Variants in SORCS1 observed in about 807,000 individuals in gnomAD.
SORCS1 encodes the protein VPS10 domain-containing receptor SorCS1.
Under a neutral mutation model 146.1 loss-of-function variants are expected in SORCS1, and 60 were observed. That is an observed-to-expected ratio of 0.41 (90% CI 0.33 to 0.51). SORCS1 has a LOEUF of 0.51. Ranked by LOEUF, SORCS1 falls within the 20% of genes least tolerant of loss-of-function variation. The pLI, the probability that SORCS1 is intolerant of heterozygous loss-of-function variation, is 0.21. For missense variants in SORCS1, 1,352 were observed against 1,487.6 expected (o/e 0.91, Z 1.50); for synonymous variants, 637 against 584.0 (o/e 1.09, Z -1.31).
At chr10:106,687,506 A>G (rs1020718271) in intron 10 of SORCS1, among the ~76,000 whole-genome samples, 4 of 152,140 alleles carry the variant, frequency 2.6e-5, no homozygotes, top group African/African-American at 7.2e-5. Flanking sequence ...CTCTCTCGTG[A>G]CTACTCAATT....
intron 10 of SORCS1, among the ~76,000 whole-genome samples, chr10:106,686,362 TG>T (rs1852837716): frequency 6.6e-6 from 1 of 152,216 alleles, no homozygotes; most frequent in Non-Finnish European, 1.5e-5. Context: ...CCATTTTTAA[TG>T]GTTCATTTAT....
chr10:107,127,703 T>G (rs1473030189), intron 1 of SORCS1, among the ~76,000 whole-genome samples: 1 of 152,186 alleles, frequency 6.6e-6, no homozygotes, highest in Non-Finnish European at 1.5e-5. Flanking sequence ...GCCCTCATGC[T>G]CAAAGGCTGC....
chr10:106,906,544 A>G (rs1441805279), intron 2 of SORCS1, among the ~76,000 whole-genome samples: 1 of 152,218 alleles, frequency 6.6e-6, no homozygotes, highest in Non-Finnish European at 1.5e-5. Context: ...CAAAAGCAGA[A>G]ACACCTAATA....
chr10:106,900,286 C>G (rs1481608070), intron 2 of SORCS1, among the ~76,000 whole-genome samples: 1 of 152,098 alleles, frequency 6.6e-6, no homozygotes, highest in African/African-American at 2.4e-5. Context: ...CGGTACCTTT[C>G]CCTGTGTCTG....
chr10:106,614,873 T>C (rs1005569090), intron 21 of SORCS1, among the ~76,000 whole-genome samples: 1 of 151,706 alleles, frequency 6.6e-6, no homozygotes, highest in Non-Finnish European at 1.5e-5. Flanking sequence ...TTGAGAGAGA[T>C]AAAGTCTATA....
At chr10:106,579,207 T>C in intron 25 of SORCS1, 162 bp downstream of exon 25, 2 of 1,614,126 alleles carry the variant, frequency 1.2e-6, no homozygotes, top group Non-Finnish European at 1.7e-6. Context: ...CTCTTGTTCT[T>C]TCTCATTCTG....
At chr10:106,591,966 C>T (rs929141436) in intron 24 of SORCS1, among the ~76,000 whole-genome samples, 1 of 152,212 alleles carries the variant, frequency 6.6e-6, no homozygotes, top group Non-Finnish European at 1.5e-5. Flanking sequence ...ACTAGCTTGA[C>T]TGCATTCTAT....
At chr10:107,103,802 C>T (rs1248329081) in intron 1 of SORCS1, among the ~76,000 whole-genome samples, 1 of 152,142 alleles carries the variant, frequency 6.6e-6, no homozygotes, top group African/African-American at 2.4e-5. Context: ...ATTATAAAAC[C>T]CCTTTGTTCT....
chr10:106,958,081 C>T lies in SORCS1; in HGVS notation c.559-1501G>A, dbSNP rs1955050597. Among the ~76,000 whole-genome samples, 3 of 152,230 alleles carry T rather than the reference C, an allele frequency of 2.0e-5. No homozygotes were observed. The South Asian group carries it at 6.2e-4, about 32-fold the overall frequency. On this transcript the variant is annotated intron_variant, in intron 1 of 25. Transcript: ENST00000263054. ...TTCTTTTGGTGTCTGCAGCAATGAA[C>T]AGAGTCCACCTGGTTATTTGAAATA... is the stretch of plus-strand genomic sequence containing the variant.
intron 24 of SORCS1, among the ~76,000 whole-genome samples, chr10:106,592,395 G>C (rs1845654173): frequency 6.6e-6 from 1 of 152,198 alleles, no homozygotes; most frequent in Non-Finnish European, 1.5e-5. Context: ...TGCTTTCCTT[G>C]TGTTCCCATA....
At chr10:106,833,787 T>G (rs1193753438) in intron 2 of SORCS1, among the ~76,000 whole-genome samples, 1 of 50,182 alleles carries the variant, frequency 2.0e-5, no homozygotes, top group East Asian at 7.6e-4. Context: ...TCTTTTGTTA[T>G]TATTATTATT....
intron 3 of SORCS1, among the ~76,000 whole-genome samples, chr10:106,818,138 T>G (rs1338591169): frequency 6.6e-6 from 1 of 152,222 alleles, no homozygotes; most frequent in Non-Finnish European, 1.5e-5. Flanking sequence ...TAATCTCTTC[T>G]TAATATTATA....
chr10:106,586,472 T>C (rs1256307638), intron 24 of SORCS1, among the ~76,000 whole-genome samples: 1 of 152,144 alleles, frequency 6.6e-6, no homozygotes, highest in African/African-American at 2.4e-5. Flanking sequence ...CCTGGGATAC[T>C]GCATTTCTGA....
At chr10:106,849,943 T>G (rs1949479437) in intron 2 of SORCS1, among the ~76,000 whole-genome samples, 3 of 152,148 alleles carry the variant, frequency 2.0e-5, no homozygotes, top group Non-Finnish European at 4.4e-5. Flanking sequence ...GTCTGCCCGT[T>G]CTCAGATCTC....
At chr10:107,176,429 G>T in the SORCS1 span, among the ~76,000 whole-genome samples, 4 of 151,318 alleles carry the variant, frequency 2.6e-5, no homozygotes, top group Admixed American at 6.6e-5. Context: ...TTGACCTTCT[G>T]GACTCAAGTG....
At chr10:106,593,437 T>A (rs1845730968) in intron 24 of SORCS1, among the ~76,000 whole-genome samples, 1 of 152,186 alleles carries the variant, frequency 6.6e-6, no homozygotes, top group African/African-American at 2.4e-5. Context: ...GTGACTGTGC[T>A]CCTGTGGACA....
chr10:106,742,027 A>G (rs569606508), intron 5 of SORCS1, among the ~76,000 whole-genome samples: 68 of 152,190 alleles, frequency 4.5e-4, no homozygotes, highest in Non-Finnish European at 8.2e-4. Context: ...GCAAAAATAC[A>G]CTAAGAGGCT....
chr10:106,920,664 G>C (rs560289552), intron 2 of SORCS1, among the ~76,000 whole-genome samples: 1 of 152,320 alleles, frequency 6.6e-6, no homozygotes, highest in East Asian at 1.9e-4. Context: ...GAAAGCAAGA[G>C]AGAAAAGCGT....
At chr10:107,108,404 G>A (rs957745437) in intron 1 of SORCS1, among the ~76,000 whole-genome samples, 1 of 152,176 alleles carries the variant, frequency 6.6e-6, no homozygotes, top group Non-Finnish European at 1.5e-5. Context: ...GAAGGCAAAG[G>A]AGGAACAGGC....
Sources: gnomAD v4.1 joint callset for allele counts (sites outside exome capture counted in the v4.1 genomes callset) on GRCh38, gnomAD v4.1.1 for gene constraint, MANE v1.5 for transcripts, NCBI Gene and HGNC (gene_info 2026-07-23, HGNC 2026-07-21) for gene names.